SPIDR: variants seen among roughly 807,000 people sequenced by gnomAD.
SPIDR encodes DNA repair-scaffolding protein.
A neutral mutation model predicts 104.6 loss-of-function variants in SPIDR; 93 were observed. The observed-to-expected ratio is 0.89, with a 90% CI of 0.75 to 1.06. The LOEUF (loss-of-function observed/expected upper bound fraction) is 1.06, where lower values mean the gene tolerates loss of function less well. Among genes scored for constraint, SPIDR ranks in the 50% least tolerant of loss-of-function variants. SPIDR has a pLI of 0.00. For missense variants in SPIDR, 1,154 were observed against 1,111.2 expected (o/e 1.04, Z -0.55); for synonymous variants, 431 against 416.9 (o/e 1.03, Z -0.41).
At chr8:47,688,005 C>CA (rs1283941527) in intron 11 of SPIDR, among the ~76,000 whole-genome samples, 3 of 90,490 alleles carry the variant, frequency 3.3e-5, no homozygotes, top group African/African-American at 3.7e-5. Context: ...ACCTGGCTGT[C>CA]AAAAAAAAAA....
chr8:47,329,591 C>T (rs1554603195), intron 5 of SPIDR, among the ~76,000 whole-genome samples: 3 of 152,192 alleles, frequency 2.0e-5, no homozygotes, highest in Admixed American at 1.3e-4. Context: ...AGATTTGTTA[C>T]TAGTTTTATG....
intron 5 of SPIDR, among the ~76,000 whole-genome samples, chr8:47,370,493 C>G (rs1554638037): frequency 7.5e-6 from 1 of 132,504 alleles, no homozygotes; most frequent in African/African-American, 3.0e-5. Flanking sequence ...GTCGCCCAGG[C>G]TGGAATGCAA....
intron 5 of SPIDR, among the ~76,000 whole-genome samples, chr8:47,335,972 G>C (rs1404218122): frequency 6.6e-6 from 1 of 150,714 alleles, no homozygotes; most frequent in African/African-American, 2.4e-5. Context: ...TTAGTTTCTC[G>C]GATCTGTGTG....
chr8:47,625,340 C>G (rs2065887396), intron 10 of SPIDR, among the ~76,000 whole-genome samples: 1 of 152,158 alleles, frequency 6.6e-6, no homozygotes, highest in Admixed American at 6.5e-5. Flanking sequence ...ACAGGGATGC[C>G]CTCTCTCACC....
At chr8:47,487,374 A>G (rs1225447890) in intron 8 of SPIDR, among the ~76,000 whole-genome samples, 1 of 152,192 alleles carries the variant, frequency 6.6e-6, no homozygotes, top group Admixed American at 6.5e-5. Flanking sequence ...AGAGACCTAC[A>G]AAGAGACTTA....
At chr8:47,344,844 G>T (rs1183420138) in intron 5 of SPIDR, among the ~76,000 whole-genome samples, 1 of 152,156 alleles carries the variant, frequency 6.6e-6, no homozygotes, top group Non-Finnish European at 1.5e-5. Flanking sequence ...ATTTGTTTAA[G>T]CTCTTTGTAG....
chr8:47,728,915 T>G lies in SPIDR; in HGVS notation c.2436-18T>G. On this transcript the variant is annotated intron_variant, in intron 17 of 19. Coordinates refer to ENST00000297423, the MANE Select transcript of SPIDR (RefSeq NM_001080394.4). Reference sequence around the variant, plus strand: ...TGCCTCCCGGGGCCTTGTCTTTCCTTGGCTTTTCATATACCAGAGGCGCCT... The same window carrying G: ...TGCCTCCCGGGGCCTTGTCTTTCCTGGGCTTTTCATATACCAGAGGCGCCT... The G allele has an allele frequency of 6.3e-7, 1 of 1,593,484 alleles. No individual in the cohort carries two copies. The highest frequency in any genetic ancestry group is 8.5e-7 in the Non-Finnish European group (1 of 1,171,790).
At chr8:47,409,038 T>C (rs2063147663) in intron 7 of SPIDR, among the ~76,000 whole-genome samples, 1 of 151,892 alleles carries the variant, frequency 6.6e-6, no homozygotes, top group Admixed American at 6.6e-5. Flanking sequence ...ATATAAAAAT[T>C]AGCTGGGCGT....
intron 5 of SPIDR, among the ~76,000 whole-genome samples, chr8:47,391,019 G>C (rs1289029822): frequency 1.3e-5 from 2 of 152,066 alleles, no homozygotes; most frequent in African/African-American, 4.8e-5. Flanking sequence ...ATGCACACCT[G>C]TACATATCCT....
chr8:47,662,930 G>T (rs1245295438), intron 10 of SPIDR, among the ~76,000 whole-genome samples: 1 of 152,226 alleles, frequency 6.6e-6, no homozygotes, highest in Non-Finnish European at 1.5e-5. Context: ...ACCTGCTGGT[G>T]CCTTGATCTG....
At chr8:47,613,262 G>C (rs990686810) in intron 10 of SPIDR, among the ~76,000 whole-genome samples, 7 of 152,180 alleles carry the variant, frequency 4.6e-5, no homozygotes, top group African/African-American at 1.7e-4. Context: ...CTGACCTTTT[G>C]TGTCTGGCTT....
intron 10 of SPIDR, among the ~76,000 whole-genome samples, chr8:47,619,209 T>C (rs909224717): frequency 3.3e-5 from 5 of 152,232 alleles, no homozygotes; most frequent in Non-Finnish European, 5.9e-5. Context: ...CTCTGAGATA[T>C]AATTCTACAC....
chr8:47,397,587 T>C (rs2061383877), intron 6 of SPIDR, among the ~76,000 whole-genome samples: 1 of 150,424 alleles, frequency 6.6e-6, no homozygotes, highest in Non-Finnish European at 1.5e-5. Flanking sequence ...AGCAAAGGAG[T>C]TTCAGTAGAA....
At chr8:47,455,685 A>G (rs909759647) in intron 8 of SPIDR, among the ~76,000 whole-genome samples, 3 of 152,102 alleles carry the variant, frequency 2.0e-5, no homozygotes, top group African/African-American at 4.8e-5. Context: ...TGAAAATGCT[A>G]AAAAAGAACA....
chr8:47,436,248 A>G (rs1172401481), intron 7 of SPIDR, among the ~76,000 whole-genome samples: 1 of 152,224 alleles, frequency 6.6e-6, no homozygotes, highest in African/African-American at 2.4e-5. Context: ...AAGGGAAGGA[A>G]TAGTTGCTTC....
chr8:47,699,122 T>A (rs1314816728), intron 11 of SPIDR, among the ~76,000 whole-genome samples: 4 of 152,238 alleles, frequency 2.6e-5, no homozygotes, highest in Non-Finnish European at 4.4e-5. Context: ...TGTCTTCAAC[T>A]GGGCAGATTT....
intron 10 of SPIDR, among the ~76,000 whole-genome samples, chr8:47,608,389 A>T (rs2063222298): frequency 1.3e-5 from 2 of 152,232 alleles, no homozygotes; most frequent in Non-Finnish European, 2.9e-5. Flanking sequence ...TAACATGAAT[A>T]GTGCTACTAT....
intron 10 of SPIDR, among the ~76,000 whole-genome samples, chr8:47,650,099 G>A (rs2071344034): frequency 6.6e-6 from 1 of 152,166 alleles, no homozygotes; most frequent in Non-Finnish European, 1.5e-5. Context: ...TACTGGGAGT[G>A]CTAGCCAGAA....
At chr8:47,347,098 C>G (rs1244291315) in intron 5 of SPIDR, among the ~76,000 whole-genome samples, 4 of 152,090 alleles carry the variant, frequency 2.6e-5, no homozygotes, top group African/African-American at 9.7e-5. Context: ...CTATAAATTT[C>G]CCTCTACACA....
Sources: allele counts gnomAD v4.1 joint callset (sites outside exome capture counted in the v4.1 genomes callset), GRCh38; gene constraint gnomAD v4.1.1; transcripts MANE v1.5; gene names NCBI Gene and HGNC (gene_info 2026-07-23, HGNC 2026-07-21).